UBE2R2: variants seen among roughly 807,000 people sequenced by gnomAD.
The protein encoded by UBE2R2 is ubiquitin conjugating enzyme E2 R2, also known as ubiquitin-conjugating enzyme E2 R2.
Under a neutral mutation model 27.8 loss-of-function variants are expected in UBE2R2, and 1 was observed. The observed-to-expected ratio is 0.04, with a 90% CI of 0.01 to 0.17. The LOEUF (loss-of-function observed/expected upper bound fraction) is 0.17, where lower values mean the gene tolerates loss of function less well. UBE2R2 is among the 10% of genes least tolerant of loss of function. The pLI is 1.00. For missense variants in UBE2R2, 100 were observed against 291.0 expected, an observed-to-expected ratio of 0.34 and a Z score of 4.78; for synonymous variants, 106 against 113.3, an observed-to-expected ratio of 0.94 and a Z score of 0.41.
Position 33,822,906 on chromosome 9 carries a change from A to ATTTT in UBE2R2, c.177+4987_177+4990dup, listed in dbSNP as rs542620697. 1.7e-3 allele frequency among the ~76,000 whole-genome samples: 216 copies of ATTTT among 127,858 alleles called. 3 individuals are homozygous for ATTTT. The highest frequency in any genetic ancestry group is 4.0e-3 in the Middle Eastern group (1 of 248). 83.9% of individuals were successfully genotyped at this position (127,858 alleles called of 152,430 possible). On this transcript the variant is annotated intron_variant, in intron 1 of 4. Transcript: ENST00000263228. ...TTTTTTCTTTTTCTTCTTCTTATTAATTTTTTTTTTTTTTTTTTAGCTGAG... is the reference window on the plus strand; with the variant it reads ...TTTTTTCTTTTTCTTCTTCTTATTAATTTTTTTTTTTTTTTTTTTTTTAGCTGAG...
At chr9:33,832,666 A>C (rs1053089195) in intron 1 of UBE2R2, among the ~76,000 whole-genome samples, 1 of 152,056 alleles carries the variant, frequency 6.6e-6, no homozygotes, top group Non-Finnish European at 1.5e-5. Flanking sequence ...TCTAAAAAAA[A>C]AAAAAAGAAA....
chr9:33,890,192 A>G (rs1004059677), intron 2 of UBE2R2, among the ~76,000 whole-genome samples: 8 of 152,246 alleles, frequency 5.3e-5, no homozygotes, highest in South Asian at 2.1e-4. Context: ...AGATCATGAT[A>G]TAAAATTTTT....
At chr9:33,904,825 G>A (rs1822318462) in intron 3 of UBE2R2, among the ~76,000 whole-genome samples, 1 of 152,202 alleles carries the variant, frequency 6.6e-6, no homozygotes, top group African/African-American at 2.4e-5. Context: ...TGGAGGTGGT[G>A]GGGAGAGTTT....
At chr9:33,912,623 C>CAAA (rs1219104785) in intron 4 of UBE2R2, among the ~76,000 whole-genome samples, 1 of 122,892 alleles carries the variant, frequency 8.1e-6, no homozygotes, top group African/African-American at 3.0e-5. Flanking sequence ...GACTCCATCT[C>CAAA]AAAAAAAAAA....
chr9:33,913,070 C>T (rs1328343675), intron 4 of UBE2R2, among the ~76,000 whole-genome samples: 1 of 152,076 alleles, frequency 6.6e-6, no homozygotes, highest in Non-Finnish European at 1.5e-5. Context: ...AAGCAATTCT[C>T]CTGCCTCAGC....
At chr9:33,856,878 C>T (rs1821115478) in intron 1 of UBE2R2, among the ~76,000 whole-genome samples, 1 of 142,796 alleles carries the variant, frequency 7.0e-6, no homozygotes. Flanking sequence ...TCCTTCCTTC[C>T]TTCCTTTCAC....
chr9:33,835,738 C>T (rs1222662901), intron 1 of UBE2R2, among the ~76,000 whole-genome samples: 2 of 151,644 alleles, frequency 1.3e-5, no homozygotes, highest in Non-Finnish European at 2.9e-5. Context: ...AACAAAACAG[C>T]CAGGCCTGGT....
At chr9:33,854,009 C>CT (rs1821038997) in intron 1 of UBE2R2, among the ~76,000 whole-genome samples, 1 of 151,842 alleles carries the variant, frequency 6.6e-6, no homozygotes. Flanking sequence ...AATGGTGTAA[C>CT]TTTTTTATGA....
chr9:33,824,873 T>C (rs1820276626), intron 1 of UBE2R2, among the ~76,000 whole-genome samples: 3 of 152,036 alleles, frequency 2.0e-5, no homozygotes. Context: ...GTGGTACTTA[T>C]AACCTAGTTG....
intron 3 of UBE2R2, among the ~76,000 whole-genome samples, chr9:33,901,198 T>C (rs1822238310): frequency 6.6e-6 from 1 of 152,198 alleles, no homozygotes; most frequent in African/African-American, 2.4e-5. Flanking sequence ...TTTTGTGCAA[T>C]GTCCCCCAGT....
At chr9:33,898,406 T>G (rs1822171357) in intron 2 of UBE2R2, among the ~76,000 whole-genome samples, 1 of 152,042 alleles carries the variant, frequency 6.6e-6, no homozygotes, top group African/African-American at 2.4e-5. Context: ...TGTAGTAACT[T>G]TTTACATGCC....
chr9:33,817,707 G>C lies in UBE2R2; in HGVS notation c.-51G>C, dbSNP rs1314644136. On this transcript the variant is annotated 5_prime_UTR_variant, in exon 1 of 5. Coordinates refer to ENST00000263228, the MANE Select transcript of UBE2R2 (RefSeq NM_017811.4). ...AGGGGCCTGGTCCGGCCCGGCCGGT[G>C]CGTGAGGACTGGGGCCCGGGCCCGG... The C allele has an allele frequency of 2.2e-6, 3 of 1,392,460 alleles. No individual in the cohort carries two copies. Among genetic ancestry groups the C allele is most frequent in the Non-Finnish European group, 2.8e-6 (3 of 1,073,792 alleles). The allele number at this position is 1,392,460 out of a possible 1,614,324, so 86.3% of individuals were successfully genotyped here. A position where few individuals can be genotyped will look rare whatever the true frequency, so the allele number is the denominator to read the frequency against.
chr9:33,913,639 G>T (rs1379309985), intron 4 of UBE2R2, among the ~76,000 whole-genome samples: 1 of 152,154 alleles, frequency 6.6e-6, no homozygotes, highest in Non-Finnish European at 1.5e-5. Flanking sequence ...CTGTGCATAG[G>T]AGTTGACTAA....
chr9:33,910,880 T>C (rs1822468126), intron 3 of UBE2R2, among the ~76,000 whole-genome samples: 2 of 151,732 alleles, frequency 1.3e-5, no homozygotes, highest in African/African-American at 4.8e-5. Flanking sequence ...AGGCGGGCAG[T>C]TCACTTAAGG....
chr9:33,832,031 G>A (rs1820499262), intron 1 of UBE2R2, among the ~76,000 whole-genome samples: 3 of 151,848 alleles, frequency 2.0e-5, no homozygotes, highest in South Asian at 2.1e-4. Flanking sequence ...TATTTAGGCC[G>A]GGTGCAGTGC....
At chr9:33,830,959 A>G (rs538135110) in intron 1 of UBE2R2, 2 of 151,910 alleles carry the variant, frequency 1.3e-5, no homozygotes, top group East Asian at 1.9e-4. Context: ...ATAAGATAAT[A>G]TTAAGAATGA....
At chr9:33,905,594 A>G (rs930379077) in intron 3 of UBE2R2, among the ~76,000 whole-genome samples, 2 of 152,204 alleles carry the variant, frequency 1.3e-5, no homozygotes, top group Non-Finnish European at 2.9e-5. Context: ...GCACAGAAGG[A>G]GGTGTTATAT....
At chr9:33,907,183 T>G (rs558224799) in intron 3 of UBE2R2, among the ~76,000 whole-genome samples, 4 of 152,234 alleles carry the variant, frequency 2.6e-5, no homozygotes, top group African/African-American at 9.6e-5. Context: ...CAGAACAAGA[T>G]AGCTAAATAA....
intron 1 of UBE2R2, among the ~76,000 whole-genome samples, chr9:33,883,120 C>A (rs1030829555): frequency 6.6e-6 from 1 of 152,076 alleles, no homozygotes; most frequent in Non-Finnish European, 1.5e-5. Flanking sequence ...TTAATTGTGT[C>A]CCATTTCTTT....
Sources: gnomAD v4.1 joint callset for allele counts (sites outside exome capture counted in the v4.1 genomes callset) on GRCh38, gnomAD v4.1.1 for gene constraint, MANE v1.5 for transcripts, NCBI Gene and HGNC (gene_info 2026-07-23, HGNC 2026-07-21) for gene names.